Variants in NKAIN3 observed in about 807,000 individuals in gnomAD.
The protein encoded by NKAIN3 is sodium/potassium-transporting ATPase subunit beta-1-interacting protein 3.
In NKAIN3, 25 loss-of-function variants were observed where a neutral mutation model predicts 30.2. That is an observed-to-expected ratio of 0.83 (90% CI 0.60 to 1.16). The LOEUF is 1.16. NKAIN3 is among the 50% of genes most tolerant of loss of function. The probability of loss-of-function intolerance (pLI) is 0.00; values close to 1 mark genes in which losing one functional copy is unlikely to be tolerated. For synonymous variants in NKAIN3, 91 were observed against 89.6 expected (o/e 1.02, Z -0.09); for missense variants, 225 against 254.1 (o/e 0.89, Z 0.78).
chr8:62,900,821 A>G lies in NKAIN3; in HGVS notation c.472-17632A>G, dbSNP rs190025921. ...TAGTAGTGGCAAAGGTAAAAGTTAA[A>G]CTGAGATCTCTCTGACCACAAAGAT... On this transcript the variant is annotated intron_variant, in intron 4 of 6. Transcript: ENST00000623646. Among the ~76,000 whole-genome samples the G allele has an allele frequency of 9.9e-5, 15 of 152,252 alleles. No individual in the cohort carries two copies. In the East Asian group the frequency reaches 2.7e-3, roughly 27 times the overall value.
At chr8:62,942,998 C>T (rs1044153549) in intron 5 of NKAIN3, among the ~76,000 whole-genome samples, 15 of 152,014 alleles carry the variant, frequency 9.9e-5, no homozygotes, top group African/African-American at 2.9e-4. Context: ...TACCAAGAAC[C>T]TAAAAGCAAG....
At chr8:62,436,148 A>G (rs1805167268) in intron 1 of NKAIN3, among the ~76,000 whole-genome samples, 1 of 152,194 alleles carries the variant, frequency 6.6e-6, no homozygotes. Context: ...CTCAAATATT[A>G]TATATCTTAC....
chr8:62,847,738 G>A (rs1819734741), intron 4 of NKAIN3, among the ~76,000 whole-genome samples: 2 of 152,090 alleles, frequency 1.3e-5, no homozygotes, highest in African/African-American at 4.8e-5. Flanking sequence ...TAGCATCTTG[G>A]TCATGAAACT....
intron 4 of NKAIN3, among the ~76,000 whole-genome samples, chr8:62,771,207 C>A (rs960464241): frequency 6.6e-6 from 1 of 152,048 alleles, no homozygotes; most frequent in African/African-American, 2.4e-5. Context: ...GTGGGAGGAT[C>A]GCTTGAGCCC....
intron 4 of NKAIN3, among the ~76,000 whole-genome samples, chr8:62,828,237 G>T (rs934494543): frequency 6.6e-6 from 1 of 152,072 alleles, no homozygotes; most frequent in East Asian, 1.9e-4. Flanking sequence ...ATCAGTGTTT[G>T]CCAGAGGTTA....
chr8:62,976,330 T>C lies in NKAIN3; in HGVS notation c.*10923T>C, dbSNP rs1194139527. Among the ~76,000 whole-genome samples, 3 of 152,198 alleles carry C rather than the reference T, an allele frequency of 2.0e-5. No individual in the cohort carries two copies. The highest frequency in any genetic ancestry group is 7.2e-5 in the African/African-American group (3 of 41,450). ...TTGTGTGGTAGTCTAAGTCTCTTTG[T>C]AGGTCTCTAAGAACTTGCTTTATGA... On this transcript the variant is annotated 3_prime_UTR_variant, in exon 7 of 7. Coordinates refer to ENST00000623646, the MANE Select transcript of NKAIN3 (RefSeq NM_001304533.3).
chr8:62,926,574 C>T (rs1026181068), intron 5 of NKAIN3, among the ~76,000 whole-genome samples: 13 of 152,000 alleles, frequency 8.6e-5, no homozygotes, highest in African/African-American at 2.4e-4. Flanking sequence ...GTCAGTGCCG[C>T]AGATCACCCT....
intron 1 of NKAIN3, among the ~76,000 whole-genome samples, chr8:62,464,957 G>A (rs1418674856): frequency 6.6e-6 from 1 of 152,150 alleles, no homozygotes; most frequent in Non-Finnish European, 1.5e-5. Context: ...TCAATGTACT[G>A]AGCTTAGCAT....
At chr8:62,421,454 T>C (rs1413220753) in intron 1 of NKAIN3, among the ~76,000 whole-genome samples, 2 of 152,134 alleles carry the variant, frequency 1.3e-5, no homozygotes, top group Non-Finnish European at 2.9e-5. Context: ...GTATGTACTT[T>C]GGCAGTGCAG....
chr8:62,589,714 T>G lies in NKAIN3; in HGVS notation c.193T>G (p.Tyr65Asp). The change falls in exon 3 of 7, where the codon TAT becomes GAT. Residue 65 changes from tyrosine (Y) to aspartate (D), a missense_variant and splice_region_variant. Coordinates refer to ENST00000623646, the MANE Select transcript of NKAIN3 (RefSeq NM_001304533.3). ...TTCTCCCTCCCCCATTTCTATCTAGTATACAGTGTGGACTGCCCTCTGGGT... is the reference window on the plus strand; with the variant it reads ...TTCTCCCTCCCCCATTTCTATCTAGGATACAGTGTGGACTGCCCTCTGGGT... ...IQYRPRYIMV[Y>D]TVWTALWVTW... 6.5e-7 allele frequency: 1 copy of G among 1,538,480 alleles called. No individual in the cohort carries two copies. The highest frequency in any genetic ancestry group is 9.0e-7 in the Non-Finnish European group (1 of 1,115,012).
intron 4 of NKAIN3, among the ~76,000 whole-genome samples, chr8:62,817,820 C>T (rs1178957181): frequency 6.6e-6 from 1 of 152,138 alleles, no homozygotes; most frequent in Non-Finnish European, 1.5e-5. Context: ...AAAACTTTCA[C>T]AGCCACTGCT....
chr8:62,969,451 A>G lies in NKAIN3; in HGVS notation c.*4044A>G, dbSNP rs1234613143. Among the ~76,000 whole-genome samples the G allele has an allele frequency of 6.6e-6, 1 of 152,230 alleles. No individual in the cohort carries two copies. The highest frequency in any genetic ancestry group is 1.9e-4 in the East Asian group (1 of 5,194). On this transcript the variant is annotated 3_prime_UTR_variant, in exon 7 of 7. Transcript: ENST00000623646. The stretch of plus-strand genomic sequence containing the variant: ...TAAAAAGGAATCTTGCCAAGAATAA[A>G]CAAATCTTCATTTCATACCTAATTT...
At chr8:62,604,319 G>A (rs1811061473) in intron 3 of NKAIN3, among the ~76,000 whole-genome samples, 1 of 152,150 alleles carries the variant, frequency 6.6e-6, no homozygotes, top group Admixed American at 6.6e-5. Context: ...CCTCAGCATT[G>A]ATTCACTTTT....
intron 5 of NKAIN3, among the ~76,000 whole-genome samples, chr8:62,996,606 G>A (rs917760665): frequency 6.6e-6 from 1 of 151,972 alleles, no homozygotes; most frequent in Non-Finnish European, 1.5e-5. Context: ...TCTGAGACAA[G>A]GTATGTCCCT....
At position 62,883,913 on chromosome 8, in the gene NKAIN3, T is replaced by C. The variant is rs115374344; in HGVS notation, c.472-34540T>C. Among the ~76,000 whole-genome samples, 888 of 152,270 alleles carry C rather than the reference T, an allele frequency of 5.8e-3. 6 individuals carry two copies. Among genetic ancestry groups the C allele is most frequent in the African/African-American group, 0.02 (842 of 41,572 alleles). ...TCACTTCTAGTTTGCTGAAAGTTTGTAATTATAAATGGGTATTGGATTTTG... is the reference window on the plus strand; with the variant it reads ...TCACTTCTAGTTTGCTGAAAGTTTGCAATTATAAATGGGTATTGGATTTTG... On this transcript the variant is annotated intron_variant, in intron 4 of 6. Transcript: ENST00000623646.
rs149277357 is a variant in NKAIN3 at position 62,982,310 on chromosome 8, G to GA, written c.*16907dup. 534 of 152,160 alleles carry GA rather than the reference G, an allele frequency of 3.5e-3. 3 individuals carry two copies. The highest frequency in any genetic ancestry group is 0.012 in the African/African-American group (517 of 41,496). The allele number at this position is 152,160 out of a possible 1,614,324, so 9.4% of individuals were successfully genotyped here. On this transcript the variant is annotated 3_prime_UTR_variant, in exon 7 of 7. Transcript: ENST00000623646. ...AATAAGATCTTATTTTCATCTGCTGGAAAACTTTTTCTGATAACCATACAT... is the reference window on the plus strand; with the variant it reads ...AATAAGATCTTATTTTCATCTGCTGGAAAAACTTTTTCTGATAACCATACAT...
chr8:62,853,619 T>A (rs561365583), intron 4 of NKAIN3, among the ~76,000 whole-genome samples: 2 of 152,236 alleles, frequency 1.3e-5, no homozygotes, highest in African/African-American at 4.8e-5. Context: ...AGTCTAGCTA[T>A]CAGTCTATCT....
intron 4 of NKAIN3, among the ~76,000 whole-genome samples, chr8:62,774,696 G>A (rs1313747852): frequency 6.6e-6 from 1 of 152,066 alleles, no homozygotes; most frequent in Non-Finnish European, 1.5e-5. Flanking sequence ...TGTTGACATG[G>A]TGTATTACAT....
At chr8:62,997,478 T>C (rs1199721377) in intron 5 of NKAIN3, among the ~76,000 whole-genome samples, 1 of 151,922 alleles carries the variant, frequency 6.6e-6, no homozygotes, top group Non-Finnish European at 1.5e-5. Context: ...TAAATAAAAG[T>C]GATAAAGAAA....
Sources: allele counts gnomAD v4.1 joint callset (sites outside exome capture counted in the v4.1 genomes callset), GRCh38; gene constraint gnomAD v4.1.1; transcripts MANE v1.5; gene names NCBI Gene and HGNC (gene_info 2026-07-23, HGNC 2026-07-21).